The following NF1 variants were observed in gnomAD, a reference collection of about 807,000 sequenced individuals.
NF1 encodes the protein neurofibromin.
A neutral mutation model predicts 325.7 loss-of-function variants in NF1; 122 were observed. The ratio of observed to expected loss-of-function variants is 0.37; its 90% CI spans 0.32 to 0.44. The LOEUF (loss-of-function observed/expected upper bound fraction) is 0.44. Ranked by LOEUF, NF1 falls within the 20% of genes least tolerant of loss-of-function variation. NF1 has a pLI of 1.00. For missense variants in NF1, 2,140 were observed against 3,415.4 expected, an observed-to-expected ratio of 0.63 and a Z score of 9.31; for synonymous variants, 1,091 against 1,186.0, an observed-to-expected ratio of 0.92 and a Z score of 1.65.
In NF1 at chr17:31,095,084, C is replaced by T. The variant is rs1911517991; in HGVS notation, c.-226C>T. ...CCCCCTCCCCTCCCCGGGTCCCCTT[C>T]CCCTATCCCCCTCCCCCCAGCCTCC... On this transcript the variant is annotated 5_prime_UTR_variant, in exon 1 of 58. Coordinates refer to ENST00000358273, the MANE Select transcript of NF1 (RefSeq NM_001042492.3). The T allele has an allele frequency of 1.7e-5, 3 of 176,226 alleles. No homozygotes were observed. The highest frequency in any genetic ancestry group is 1.8e-4 in the East Asian group (1 of 5,570). The allele number at this position is 176,226 out of a possible 1,614,324, so 10.9% of individuals were successfully genotyped here. A position where few individuals can be genotyped will look rare whatever the true frequency, so the allele number is the denominator to read the frequency against.
intron 29 of NF1, among the ~76,000 whole-genome samples, chr17:31,245,772 C>T (rs1022669556): frequency 1.2e-4 from 18 of 152,104 alleles, no homozygotes; most frequent in African/African-American, 3.1e-4. Context: ...AAACTCTGTT[C>T]GTTGGGTTTT....
At chr17:31,143,090 G>A (rs1916348269) in intron 1 of NF1, among the ~76,000 whole-genome samples, 1 of 151,966 alleles carries the variant, frequency 6.6e-6, no homozygotes, top group Non-Finnish European at 1.5e-5. Context: ...TTTTGTTATA[G>A]AATTTATACA....
intron 44 of NF1, 69 bp from the exon 45 acceptor site, chr17:31,337,956 T>G: frequency 6.5e-7 from 1 of 1,527,616 alleles, no homozygotes; most frequent in Non-Finnish European, 9.0e-7. Context: ...ATGATCAATG[T>G]TATAATTTAT....
intron 36 of NF1, among the ~76,000 whole-genome samples, chr17:31,317,396 CA>C (rs2069050252): frequency 5.9e-5 from 9 of 151,820 alleles, no homozygotes; most frequent in African/African-American, 2.2e-4. Flanking sequence ...CACACACACA[CA>C]CACACACCCC....
At chr17:31,370,473 G>A (rs536073288) in intron 57 of NF1, among the ~76,000 whole-genome samples, 1 of 151,984 alleles carries the variant, frequency 6.6e-6, no homozygotes, top group African/African-American at 2.4e-5. Flanking sequence ...TTTATAGCTT[G>A]TTTTGTACCC....
chr17:31,356,591 C>T lies in NF1; in HGVS notation c.7738+9C>T, dbSNP rs776511688. The T allele has an allele frequency of 6.2e-7, 1 of 1,613,330 alleles. No individual in the cohort carries two copies. The highest frequency in any genetic ancestry group is 1.1e-5 in the South Asian group (1 of 91,052). ...AACTGATTATGAAATGGGTGAGAAA[C>T]AAAGTATTGATCTAGATCATTGAAA... is the stretch of plus-strand genomic sequence containing the variant. On this transcript the variant is annotated intron_variant, in intron 52 of 57. Transcript: ENST00000358273.
At chr17:31,100,252 T>G (rs535013086) in intron 1 of NF1, among the ~76,000 whole-genome samples, 17 of 152,302 alleles carry the variant, frequency 1.1e-4, no homozygotes, top group Non-Finnish European at 1.8e-4. Flanking sequence ...GGTGAGTGAT[T>G]CACAGTATAA....
intron 48 of NF1, among the ~76,000 whole-genome samples, chr17:31,344,517 AT>A (rs1431565998): frequency 2.0e-5 from 3 of 152,340 alleles, no homozygotes; most frequent in South Asian, 2.1e-4. Context: ...TGAGTCAACA[AT>A]TTTGTATTAA....
chr17:31,295,924 T>C, intron 36 of NF1: 1 of 1,614,114 alleles, frequency 6.2e-7, no homozygotes, highest in Non-Finnish European at 8.5e-7. Flanking sequence ...GGACAACCTT[T>C]TCCAGCATGT....
At chr17:31,359,569 C>A (rs1234008975) in intron 56 of NF1, 1 of 160,924 alleles carries the variant, frequency 6.2e-6, no homozygotes, top group African/African-American at 2.4e-5. Flanking sequence ...AAGCGATTCT[C>A]CTGCCTCAGT....
chr17:31,344,351 G>A (rs1258268520), intron 48 of NF1, among the ~76,000 whole-genome samples: 1 of 152,060 alleles, frequency 6.6e-6, no homozygotes, highest in Admixed American at 6.6e-5. Context: ...CATTAACATG[G>A]GGCAGTCATG....
chr17:31,349,789 C>T (rs1292847730), intron 49 of NF1, among the ~76,000 whole-genome samples: 1 of 152,188 alleles, frequency 6.6e-6, no homozygotes, highest in Non-Finnish European at 1.5e-5. Flanking sequence ...CTCAGCAACA[C>T]TTAGCACTTA....
rs761430357 is a variant in NF1, at chr17:31,201,478, TC to T, written c.1254del (p.Thr419ProfsTer54). The T allele has an allele frequency of 6.2e-7, 1 of 1,611,564 alleles. No homozygotes were observed. The highest frequency in any genetic ancestry group is 8.5e-7 in the Non-Finnish European group (1 of 1,178,190). ...CTGGTAAATTCACTCCATCGAATCA[TC>T]ACCAATGTAAGTCCAAAAGGTATTG... Reference protein sequence around the residue: ...YVLVNSLHRIITNSALDWWPK... With the variant: ...YVLVNSLHRIXTNSALDWWPK... On this transcript the variant is annotated frameshift_variant, in exon 11 of 58. Coordinates refer to ENST00000358273, the MANE Select transcript of NF1 (RefSeq NM_001042492.3). LOFTEE classifies it high-confidence loss of function.
chr17:31,268,502 C>T (rs1015195997), intron 36 of NF1, among the ~76,000 whole-genome samples: 1 of 151,708 alleles, frequency 6.6e-6, no homozygotes, highest in African/African-American at 2.4e-5. Flanking sequence ...TGGCACGTGG[C>T]TGTAGTCCCA....
In NF1 at chr17:31,136,167, A is replaced by C. The variant is rs1915756817; in HGVS notation, c.61-19816A>C. ...ACGCGGTGAAACCCCCATCTCTACT[A>C]AAAATACAAAAAATAGCCAGGTGTG... On this transcript the variant is annotated intron_variant, in intron 1 of 57. Coordinates refer to ENST00000358273, the MANE Select transcript of NF1 (RefSeq NM_001042492.3). 1.3e-5 allele frequency: 2 copies of C among 151,956 alleles called. 1 individual carries two copies. Among genetic ancestry groups the C allele is most frequent in the South Asian group, 4.1e-4 (2 of 4,820 alleles). The allele number at this position is 151,956 out of a possible 1,614,324, so 9.4% of individuals were successfully genotyped here.
At chr17:31,253,264 A>G in intron 31 of NF1, 1 of 381,814 alleles carries the variant, frequency 2.6e-6, no homozygotes, top group South Asian at 3.2e-5. Context: ...TAATTTTATT[A>G]TTGTTACTTT....
rs1344101433 is a variant in NF1, at chr17:31,110,842, T to G, written c.60+15473T>G. 1.6e-4 allele frequency among the ~76,000 whole-genome samples: 25 copies of G among 152,074 alleles called. 1 individual carries two copies. The highest frequency in any genetic ancestry group is 1.6e-3 in the Admixed American group (25 of 15,240). On this transcript the variant is annotated intron_variant, in intron 1 of 57. Transcript: ENST00000358273. ...TTATTTGTAGTTTAATTAGAAACTT[T>G]GGCGCAGGACTCTAGGACACTCCAC... is the stretch of plus-strand genomic sequence containing the variant.
chr17:31,150,829 C>G (rs935975129), intron 1 of NF1, among the ~76,000 whole-genome samples: 8 of 152,000 alleles, frequency 5.3e-5, no homozygotes, highest in African/African-American at 1.9e-4. Context: ...GTCAGGAGTT[C>G]AAGACCAGCC....
At chr17:31,126,809 G>A (rs1303750507) in intron 1 of NF1, among the ~76,000 whole-genome samples, 3 of 151,844 alleles carry the variant, frequency 2.0e-5, no homozygotes, top group South Asian at 2.1e-4. Context: ...AAAAAACTTC[G>A]GTGATTGAAA....
Sources: allele counts gnomAD v4.1 joint callset (sites outside exome capture counted in the v4.1 genomes callset), GRCh38; gene constraint gnomAD v4.1.1; transcripts MANE v1.5; gene names NCBI Gene and HGNC (gene_info 2026-07-23, HGNC 2026-07-21).